MKLN1: variants seen among roughly 807,000 people sequenced by gnomAD.
The protein encoded by MKLN1 is muskelin.
MKLN1 carries 18 observed loss-of-function variants against 99.0 expected under a neutral mutation model. The observed-to-expected ratio is 0.18, with a 90% CI of 0.13 to 0.27. MKLN1 has a LOEUF of 0.27. MKLN1 is among the 10% of genes least tolerant of loss of function. The pLI is 1.00. For missense variants in MKLN1, 621 were observed against 875.9 expected (o/e 0.71, Z 3.67); for synonymous variants, 288 against 293.2 (o/e 0.98, Z 0.18).
intron 3 of MKLN1, among the ~76,000 whole-genome samples, chr7:131,301,082 T>C (rs1798371659): frequency 6.6e-6 from 1 of 152,216 alleles, no homozygotes. Context: ...ACAAAAATGT[T>C]GATACCTATG....
At chr7:131,441,830 A>G (rs536519324) in intron 10 of MKLN1, among the ~76,000 whole-genome samples, 1 of 152,322 alleles carries the variant, frequency 6.6e-6, no homozygotes, top group African/African-American at 2.4e-5. Flanking sequence ...ATTAGTATGA[A>G]TCTGTGAGTT....
intron 2 of MKLN1, among the ~76,000 whole-genome samples, chr7:131,384,343 T>C (rs1388316602): frequency 6.6e-6 from 1 of 151,534 alleles, no homozygotes; most frequent in East Asian, 1.9e-4. Flanking sequence ...TAGGGTGGCC[T>C]ATAAATCCAA....
chr7:131,427,315 A>T (rs1015652736), intron 8 of MKLN1, among the ~76,000 whole-genome samples: 1 of 152,230 alleles, frequency 6.6e-6, no homozygotes, highest in Non-Finnish European at 1.5e-5. Flanking sequence ...TTTCTTAAAT[A>T]GTCTTCTAGC....
In MKLN1 at chr7:131,397,312, A is replaced by G. The variant is rs1242595157; in HGVS notation, c.446A>G (p.Tyr149Cys). ...WGPSFNFSIW[Y>C]VELSGIDDPD... ...CCCAGCTTTAACTTTAGCATCTGGT[A>G]TGTTGAACTTAGTGGCATTGATGAT... The change falls in exon 5 of 18, where the codon TAT becomes TGT. Residue 149 changes from tyrosine to cysteine, a missense_variant. Tyr to Cys is a radical substitution (Grantham distance 194, BLOSUM62 -2). Around this residue, in one of 8 missense-constraint regions of MKLN1, gnomAD observed 361 missense variants for 540.8 expected, o/e 0.67. Transcript: ENST00000352689. The G allele has an allele frequency of 1.2e-6, 2 of 1,613,304 alleles. No individual in the cohort carries two copies. The highest frequency in any genetic ancestry group is 8.5e-7 in the Non-Finnish European group (1 of 1,179,602).
At chr7:131,315,434 T>C (rs1388686664) in intron 3 of MKLN1, among the ~76,000 whole-genome samples, 2 of 152,176 alleles carry the variant, frequency 1.3e-5, no homozygotes, top group African/African-American at 2.4e-5. Flanking sequence ...TTCGTGAGCC[T>C]ACACCACCAG....
At chr7:131,142,051 A>T (rs1445978601) in intron 1 of MKLN1, among the ~76,000 whole-genome samples, 1 of 151,978 alleles carries the variant, frequency 6.6e-6, no homozygotes, top group Non-Finnish European at 1.5e-5. Context: ...CCAGGGCAGC[A>T]GGGTTGCTGC....
At chr7:131,256,481 A>G (rs182215539) in intron 3 of MKLN1, among the ~76,000 whole-genome samples, 83 of 152,348 alleles carry the variant, frequency 5.4e-4, no homozygotes, top group Non-Finnish European at 1.3e-4. Context: ...AAGCAGCTGT[A>G]TAAAAAATGT....
intron 3 of MKLN1, among the ~76,000 whole-genome samples, chr7:131,248,290 GT>G (rs61538387): frequency 0.062 from 9,388 of 152,118 alleles, 580 homozygotes; most frequent in East Asian, 0.23. Context: ...ATTGGTATTT[GT>G]TTTTTAATAG....
At chr7:131,322,291 A>G (rs1328297147) in intron 3 of MKLN1, among the ~76,000 whole-genome samples, 2 of 152,240 alleles carry the variant, frequency 1.3e-5, no homozygotes, top group Non-Finnish European at 2.9e-5. Flanking sequence ...CCTGAATGTT[A>G]GCATTTTAAA....
intron 17 of MKLN1, among the ~76,000 whole-genome samples, chr7:131,486,095 C>G (rs1228122984): frequency 2.0e-5 from 3 of 147,644 alleles, no homozygotes; most frequent in South Asian, 2.1e-4. Flanking sequence ...TGGAGAGAGA[C>G]AGAGAGAGAG....
At chr7:131,278,475 G>T (rs1346066762) in intron 3 of MKLN1, among the ~76,000 whole-genome samples, 1 of 152,088 alleles carries the variant, frequency 6.6e-6, no homozygotes, top group East Asian at 1.9e-4. Flanking sequence ...TTTGAAGATG[G>T]GACCCAGGCA....
At chr7:131,188,798 G>A (rs1487886904) in intron 2 of MKLN1, among the ~76,000 whole-genome samples, 2 of 152,146 alleles carry the variant, frequency 1.3e-5, no homozygotes, top group African/African-American at 2.4e-5. Flanking sequence ...ATCTAAAACA[G>A]CGTGTATTCC....
At position 131,128,628 on chromosome 7, in the gene MKLN1, G is replaced by T. The variant is rs139365153; in HGVS notation, c.-418-14192G>T. The stretch of plus-strand genomic sequence containing the variant: ...ATTAAAAGATACATGAGAAATTCTA[G>T]ATTTTTTTTCATAGGGTCTTGTTCT... On this transcript the variant is annotated intron_variant, in intron 1 of 7. Coordinates refer to the MKLN1 transcript ENST00000416992. Among the ~76,000 whole-genome samples, 44 of 152,302 alleles carry T rather than the reference G, an allele frequency of 2.9e-4. No homozygotes were observed. In the East Asian group the frequency reaches 8.5e-3, roughly 29 times the overall value.
chr7:131,411,435 C>G (rs755545105), intron 7 of MKLN1, 52 bp downstream of exon 7: 1 of 1,233,798 alleles, frequency 8.1e-7, no homozygotes, highest in African/African-American at 1.5e-5. Flanking sequence ...TCTCAGTCTT[C>G]AGTTTTCCCA....
intron 3 of MKLN1, among the ~76,000 whole-genome samples, chr7:131,249,240 T>C (rs1052545569): frequency 2.0e-5 from 3 of 152,210 alleles, no homozygotes; most frequent in African/African-American, 7.2e-5. Flanking sequence ...AGGATCTCCC[T>C]GGTGACTAAC....
At chr7:131,175,409 A>G (rs1435696251) in intron 2 of MKLN1, among the ~76,000 whole-genome samples, 1 of 152,238 alleles carries the variant, frequency 6.6e-6, no homozygotes, top group Non-Finnish European at 1.5e-5. Context: ...TTCTAAGTAG[A>G]AAGATGACAG....
intron 8 of MKLN1, among the ~76,000 whole-genome samples, chr7:131,417,730 C>G (rs1316268027): frequency 1.3e-5 from 2 of 152,198 alleles, no homozygotes; most frequent in East Asian, 1.9e-4. Flanking sequence ...ATTTTGATAT[C>G]TTAGTACAGA....
chr7:131,242,574 C>CG (rs2116496928), intron 3 of MKLN1: 1 of 450,930 alleles, frequency 2.2e-6, no homozygotes, highest in South Asian at 2.0e-5. Context: ...GCTATAGGCC[C>CG]GAGGGGTTGC....
intron 3 of MKLN1, among the ~76,000 whole-genome samples, chr7:131,295,100 A>C (rs1798271395): frequency 6.6e-6 from 1 of 152,226 alleles, no homozygotes; most frequent in African/African-American, 2.4e-5. Flanking sequence ...TTAAAATGGC[A>C]ACTGCAAAGA....
Sources: allele counts gnomAD v4.1 joint callset (sites outside exome capture counted in the v4.1 genomes callset), GRCh38; gene constraint gnomAD v4.1.1; regional missense constraint gnomAD v4.1.1; transcripts MANE v1.5; gene names NCBI Gene and HGNC (gene_info 2026-07-23, HGNC 2026-07-21).